The following CDH7 variants were observed in gnomAD, a reference collection of about 807,000 sequenced individuals.
CDH7 encodes cadherin-7.
A neutral mutation model predicts 71.8 loss-of-function variants in CDH7; 25 were observed. That is an observed-to-expected ratio of 0.35 (90% CI 0.25 to 0.49). CDH7 has a LOEUF of 0.49. CDH7 is among the 20% of genes least tolerant of loss of function. The pLI is 0.99. For synonymous variants in CDH7, 381 were observed against 363.8 expected (o/e 1.05, Z -0.54); for missense variants, 862 against 974.6 (o/e 0.88, Z 1.54).
At chr18:65,840,266 G>A (rs1912680618) in intron 6 of CDH7, among the ~76,000 whole-genome samples, 1 of 152,112 alleles carries the variant, frequency 6.6e-6, no homozygotes, top group Non-Finnish European at 1.5e-5. Context: ...CTCTTTTAGT[G>A]TCTCTAACAC....
chr18:65,794,934 G>A (rs575714053), intron 2 of CDH7, among the ~76,000 whole-genome samples: 1 of 152,172 alleles, frequency 6.6e-6, no homozygotes, highest in South Asian at 2.1e-4. Flanking sequence ...CTTTACCACA[G>A]TGTCTGACAC....
Position 65,866,684 on chromosome 18 carries a change from G to A in CDH7, c.1864+3767G>A, listed in dbSNP as rs761077590. ...ATTTAAACTGCACAAGAAGTACATC[G>A]TGAAAATATAAATATGTTTACGCCT... On this transcript the variant is annotated intron_variant, in intron 11 of 11. Coordinates refer to ENST00000397968, the MANE Select transcript of CDH7 (RefSeq NM_004361.5). Among the ~76,000 whole-genome samples the A allele has an allele frequency of 5.3e-4, 80 of 152,214 alleles. No individual in the cohort carries two copies. The Middle Eastern group carries it at 0.01, about 19-fold the overall frequency.
chr18:65,761,384 A>G (rs1402740421), intron 1 of CDH7, among the ~76,000 whole-genome samples: 1 of 151,730 alleles, frequency 6.6e-6, no homozygotes, highest in Non-Finnish European at 1.5e-5. Context: ...TTTGACTATC[A>G]AAAATATTTT....
At chr18:65,858,167 A>C (rs941083507) in intron 8 of CDH7, among the ~76,000 whole-genome samples, 1 of 152,134 alleles carries the variant, frequency 6.6e-6, no homozygotes, top group Non-Finnish European at 1.5e-5. Context: ...GGACTAAAAA[A>C]CAATGGGCCT....
intron 6 of CDH7, among the ~76,000 whole-genome samples, chr18:65,831,614 A>G (rs898618287): frequency 7.9e-5 from 12 of 152,132 alleles, no homozygotes; most frequent in Non-Finnish European, 1.8e-4. Context: ...CAAGATTTCA[A>G]TAAACATGGA....
chr18:65,843,745 A>T (rs1247406164), intron 6 of CDH7, 67 bp from the exon 7 acceptor site: 1 of 1,385,626 alleles, frequency 7.2e-7, no homozygotes, highest in African/African-American at 1.5e-5. Flanking sequence ...ACATTCATAA[A>T]TGAAAAGGCT....
At chr18:65,865,091 T>C (rs1246255869) in intron 11 of CDH7, among the ~76,000 whole-genome samples, 1 of 152,088 alleles carries the variant, frequency 6.6e-6, no homozygotes, top group East Asian at 1.9e-4. Context: ...TCCTCAATAA[T>C]GAATTGTTTT....
intron 2 of CDH7, among the ~76,000 whole-genome samples, chr18:65,801,535 T>C (rs1211823037): frequency 6.6e-6 from 1 of 152,204 alleles, no homozygotes; most frequent in African/African-American, 2.4e-5. Flanking sequence ...ACACTTTTGA[T>C]GGATTTAGAG....
intron 2 of CDH7, among the ~76,000 whole-genome samples, chr18:65,797,907 T>C (rs922822317): frequency 1.3e-5 from 2 of 152,214 alleles, no homozygotes; most frequent in African/African-American, 2.4e-5. Context: ...CCAGTGGCTC[T>C]TACCTTGGGT....
chr18:65,782,107 C>CTTCCTTCTTTCTTTCTTTCTTTCT (rs1910309338), intron 2 of CDH7, among the ~76,000 whole-genome samples: 5 of 25,236 alleles, frequency 2.0e-4, no homozygotes, highest in Non-Finnish European at 3.0e-4. Context: ...TCCTTCCTTC[C>CTTCCTTCTTTCTTTCTTTCTTTCT]TTCTTTCTTT....
chr18:65,862,516 G>C, intron 10 of CDH7, 150 bp from the exon 11 acceptor site: 1 of 716,730 alleles, frequency 1.4e-6, no homozygotes, highest in Non-Finnish European at 2.3e-6. Context: ...CTCTGTCCTA[G>C]AGAATTGAAA....
At chr18:65,827,121 T>C (rs1912160823) in intron 6 of CDH7, among the ~76,000 whole-genome samples, 1 of 151,804 alleles carries the variant, frequency 6.6e-6, no homozygotes, top group Non-Finnish European at 1.5e-5. Flanking sequence ...AGAAGTTAGC[T>C]AAATATTTTA....
At chr18:65,783,137 G>T (rs1385740485) in intron 2 of CDH7, among the ~76,000 whole-genome samples, 1 of 152,126 alleles carries the variant, frequency 6.6e-6, no homozygotes, top group East Asian at 1.9e-4. Context: ...TAGATGAATT[G>T]CCAAACACAA....
chr18:65,785,158 T>A (rs1910466823), intron 2 of CDH7, among the ~76,000 whole-genome samples: 1 of 152,116 alleles, frequency 6.6e-6, no homozygotes, highest in South Asian at 2.1e-4. Flanking sequence ...GTATGTTGTA[T>A]CTGACAAGTT....
At position 65,885,848 on chromosome 18, in the gene CDH7, G is replaced by T. The variant is rs1396011215; in HGVS notation, c.*4954G>T. 1 of 152,182 alleles carries T rather than the reference G, an allele frequency of 6.6e-6. No homozygotes were observed. The highest frequency in any genetic ancestry group is 1.5e-5 in the Non-Finnish European group (1 of 68,042). The allele number at this position is 152,182 out of a possible 1,614,324, so 9.4% of individuals were successfully genotyped here. ...TGAAAGGAGAAATATCTTATTTGCT[G>T]TAACAATCTAATTTATATTAAGGTA... On this transcript the variant is annotated 3_prime_UTR_variant, in exon 12 of 12. Coordinates refer to ENST00000397968, the MANE Select transcript of CDH7 (RefSeq NM_004361.5).
At chr18:65,840,013 C>A (rs747608616) in intron 6 of CDH7, among the ~76,000 whole-genome samples, 1 of 152,132 alleles carries the variant, frequency 6.6e-6, no homozygotes, top group Non-Finnish European at 1.5e-5. Context: ...AATTTAAAAT[C>A]TGGGTTACCT....
intron 6 of CDH7, among the ~76,000 whole-genome samples, chr18:65,836,473 T>A (rs1281625130): frequency 6.6e-6 from 1 of 152,124 alleles, no homozygotes; most frequent in Non-Finnish European, 1.5e-5. Flanking sequence ...GAAAATAATA[T>A]CTCCTGATAT....
chr18:65,795,979 G>A (rs1015551468), intron 2 of CDH7, among the ~76,000 whole-genome samples: 2 of 152,010 alleles, frequency 1.3e-5, no homozygotes, highest in Admixed American at 6.6e-5. Flanking sequence ...CACCATGATC[G>A]TAAGTTCCCT....
rs2144086835 is a variant in CDH7 at position 65,887,946 on chromosome 18, A to T, written c.*7052A>T. The T allele has an allele frequency of 6.6e-6, 1 of 152,282 alleles. No homozygotes were observed. Among genetic ancestry groups the T allele is most frequent in the African/African-American group, 2.4e-5 (1 of 41,554 alleles). 9.4% of individuals were successfully genotyped at this position (152,282 alleles called of 1,614,324 possible). A position where few individuals can be genotyped will look rare whatever the true frequency, so the allele number is the denominator to read the frequency against. On this transcript the variant is annotated 3_prime_UTR_variant, in exon 12 of 12. Transcript: ENST00000397968. ...CATTAAAAAGAAAACCACTTTTATA[A>T]TATTTTTGCTTATGTAAGAGTCACT...
Sources: gnomAD v4.1 joint callset for allele counts (sites outside exome capture counted in the v4.1 genomes callset) on GRCh38, gnomAD v4.1.1 for gene constraint, MANE v1.5 for transcripts, NCBI Gene and HGNC (gene_info 2026-07-23, HGNC 2026-07-21) for gene names.